LRMDA: variants seen among roughly 807,000 people sequenced by gnomAD.
LRMDA encodes the protein leucine rich melanocyte differentiation associated, also known as leucine-rich melanocyte differentiation-associated protein.
Under a neutral mutation model 29.8 loss-of-function variants are expected in LRMDA, and 18 were observed. The ratio of observed to expected loss-of-function variants is 0.60; its 90% CI spans 0.42 to 0.90. LRMDA has a LOEUF of 0.90. Ranked by LOEUF, LRMDA falls within the 40% of genes least tolerant of loss-of-function variation. The probability of loss-of-function intolerance (pLI) is 0.00; values close to 1 mark genes in which losing one functional copy is unlikely to be tolerated. For missense variants in LRMDA, 273 were observed against 273.9 expected (o/e 1.00, Z 0.02); for synonymous variants, 125 against 109.4 (o/e 1.14, Z -0.89).
intron 2 of LRMDA, among the ~76,000 whole-genome samples, chr10:75,496,878 CAT>C (rs1243270508): frequency 1.3e-5 from 2 of 151,926 alleles, no homozygotes; most frequent in African/African-American, 2.4e-5. Context: ...GGTCTATACA[CAT>C]ATGTGTATAC....
intron 5 of LRMDA, among the ~76,000 whole-genome samples, chr10:76,142,960 C>A (rs996805512): frequency 6.7e-6 from 1 of 149,186 alleles, no homozygotes; most frequent in East Asian, 1.9e-4. Context: ...TTTGTCCTTG[C>A]GATAGTTTAC....
intron 5 of LRMDA, among the ~76,000 whole-genome samples, chr10:76,191,003 T>C (rs1289286876): frequency 1.3e-5 from 2 of 152,130 alleles, no homozygotes; most frequent in African/African-American, 4.8e-5. Flanking sequence ...TTCATCTATA[T>C]GAAGAGATCA....
intron 2 of LRMDA, among the ~76,000 whole-genome samples, chr10:75,445,884 G>T (rs1166477407): frequency 6.6e-6 from 1 of 152,244 alleles, no homozygotes; most frequent in African/African-American, 2.4e-5. Flanking sequence ...ATCTTATTTT[G>T]CATCACTCTG....
rs1247458958 is a variant in LRMDA at position 75,534,418 on chromosome 10, A to G, written c.131+95924A>G. Among the ~76,000 whole-genome samples, 18 of 147,412 alleles carry G rather than the reference A, an allele frequency of 1.2e-4. 1 individual carries two copies. The highest frequency in any genetic ancestry group is 2.6e-4 in the Non-Finnish European group (17 of 66,598). On this transcript the variant is annotated intron_variant, in intron 2 of 6. Transcript: ENST00000611255. ...ACCATTGAATTGGGTGGCATTTAAGACTGTTTCTAGCCGTCCTGACTCTTA... is the reference window on the plus strand; with the variant it reads ...ACCATTGAATTGGGTGGCATTTAAGGCTGTTTCTAGCCGTCCTGACTCTTA...
intron 6 of LRMDA, among the ~76,000 whole-genome samples, chr10:76,441,559 C>T (rs570099369): frequency 1.1e-4 from 17 of 152,272 alleles, no homozygotes; most frequent in East Asian, 5.8e-4. Flanking sequence ...ACATAAAGTA[C>T]GGTCATTCAT....
At position 76,559,106 on chromosome 10, in the gene LRMDA, T is replaced by C. The variant is rs569045889; in HGVS notation, c.*1818T>C. On this transcript the variant is annotated 3_prime_UTR_variant, in exon 7 of 7. Transcript: ENST00000611255. ...CATAATATGGGCAGCCAGAATTCTG[T>C]GCAAGGGCAGCTAGACGAGTCAGAT... 1 of 152,340 alleles carries C rather than the reference T, an allele frequency of 6.6e-6. No individual in the cohort carries two copies. The highest frequency in any genetic ancestry group is 2.1e-4 in the South Asian group (1 of 4,826). The allele number at this position is 152,340 out of a possible 1,614,324, so 9.4% of individuals were successfully genotyped here.
chr10:75,892,915 G>A (rs1447299824), intron 2 of LRMDA, among the ~76,000 whole-genome samples: 3 of 152,162 alleles, frequency 2.0e-5, no homozygotes, highest in Admixed American at 1.3e-4. Flanking sequence ...ACAACTGTGG[G>A]TAATAGAAAG....
intron 2 of LRMDA, among the ~76,000 whole-genome samples, chr10:75,799,609 G>A (rs1427735807): frequency 6.6e-6 from 1 of 150,890 alleles, no homozygotes; most frequent in African/African-American, 2.4e-5. Flanking sequence ...CCGCCTCCCG[G>A]GTTCAAGTGA....
chr10:76,307,799 C>T (rs571684677), intron 5 of LRMDA, among the ~76,000 whole-genome samples: 2 of 152,294 alleles, frequency 1.3e-5, no homozygotes, highest in South Asian at 4.1e-4. Context: ...AGAAACAAAG[C>T]TGAGATAGAA....
chr10:75,571,087 C>T (rs969308128), intron 2 of LRMDA, among the ~76,000 whole-genome samples: 3 of 152,096 alleles, frequency 2.0e-5, no homozygotes, highest in African/African-American at 7.2e-5. Context: ...CATAATTTGA[C>T]CCCATGGTTT....
chr10:76,425,320 TA>T (rs1034341001), intron 6 of LRMDA, among the ~76,000 whole-genome samples: 3 of 152,140 alleles, frequency 2.0e-5, no homozygotes, highest in African/African-American at 7.2e-5. Context: ...GAGTATTAAA[TA>T]AGAGAGAATT....
intron 2 of LRMDA, among the ~76,000 whole-genome samples, chr10:75,595,414 A>G (rs1426776934): frequency 1.3e-5 from 2 of 152,022 alleles, no homozygotes; most frequent in Non-Finnish European, 2.9e-5. Flanking sequence ...GTTTATAGAC[A>G]TTCTATTCTT....
chr10:76,049,800 A>C lies in LRMDA; in HGVS notation c.398+2497A>C, dbSNP rs188531657. Among the ~76,000 whole-genome samples, 11 of 152,308 alleles carry C rather than the reference A, an allele frequency of 7.2e-5. No individual in the cohort carries two copies. In the East Asian group the frequency reaches 2.1e-3, roughly 29 times the overall value. ...TTTCCTGGCCCTTCATCCACAAAAC[A>C]CGAGGTTTGCCTTCCTTCTAGCTGT... On this transcript the variant is annotated intron_variant, in intron 4 of 6. Transcript: ENST00000611255.
chr10:76,164,137 G>C (rs7894093), intron 5 of LRMDA, among the ~76,000 whole-genome samples: 3 of 151,622 alleles, frequency 2.0e-5, no homozygotes, highest in Admixed American at 6.6e-5. Flanking sequence ...TTTTTTTTCC[G>C]ATGAGAAATC....
intron 2 of LRMDA, among the ~76,000 whole-genome samples, chr10:75,876,617 A>G (rs1845203169): frequency 6.6e-6 from 1 of 152,188 alleles, no homozygotes; most frequent in African/African-American, 2.4e-5. Flanking sequence ...CCTGATATAT[A>G]GCCCAGGGAT....
intron 5 of LRMDA, among the ~76,000 whole-genome samples, chr10:76,138,364 C>G (rs1333208118): frequency 6.6e-6 from 1 of 152,092 alleles, no homozygotes; most frequent in African/African-American, 2.4e-5. Flanking sequence ...TTTTGTAGAG[C>G]CACTCTCTCT....
At chr10:75,574,271 C>G (rs147565943) in intron 2 of LRMDA, among the ~76,000 whole-genome samples, 1 of 152,244 alleles carries the variant, frequency 6.6e-6, no homozygotes, top group African/African-American at 2.4e-5. Context: ...TTGGTAATTT[C>G]TTTCTCTCTC....
chr10:75,499,088 G>C (rs910761809), intron 2 of LRMDA, among the ~76,000 whole-genome samples: 2 of 152,114 alleles, frequency 1.3e-5, no homozygotes, highest in East Asian at 3.9e-4. Flanking sequence ...GATGGAGACA[G>C]CCTGGAGCCT....
intron 2 of LRMDA, among the ~76,000 whole-genome samples, chr10:75,699,317 C>T (rs11001475): frequency 0.15 from 22,890 of 151,998 alleles, 2,025 homozygotes; most frequent in African/African-American, 0.24. Flanking sequence ...TGCCTTCTGA[C>T]GGAAAATCCT....
Sources: allele counts gnomAD v4.1 joint callset (sites outside exome capture counted in the v4.1 genomes callset), GRCh38; gene constraint gnomAD v4.1.1; transcripts MANE v1.5; gene names NCBI Gene and HGNC (gene_info 2026-07-23, HGNC 2026-07-21).